Variants in SLCO1B1 observed in about 807,000 individuals in gnomAD.
SLCO1B1 encodes the protein OATP-2.
SLCO1B1 carries 81 observed loss-of-function variants against 70.1 expected under a neutral mutation model. The observed-to-expected ratio is 1.16, with a 90% CI of 0.97 to 1.39. SLCO1B1 has a LOEUF of 1.39. Ranked by LOEUF, SLCO1B1 falls within the 40% of genes most tolerant of loss-of-function variation. SLCO1B1 has a pLI of 0.00. For synonymous variants in SLCO1B1, 283 were observed against 271.5 expected, an observed-to-expected ratio of 1.04 and a Z score of -0.42; for missense variants, 895 against 799.6, an observed-to-expected ratio of 1.12 and a Z score of -1.44.
intron 11 of SLCO1B1, among the ~76,000 whole-genome samples, chr12:21,208,534 T>C (rs920068001): frequency 6.6e-6 from 1 of 152,120 alleles, no homozygotes; most frequent in Admixed American, 6.6e-5. Flanking sequence ...ACTGTGGCCT[T>C]GCAGTATAGT....
intron 1 of SLCO1B1, among the ~76,000 whole-genome samples, chr12:21,137,304 C>A (rs559078527): frequency 2.0e-5 from 3 of 152,158 alleles, no homozygotes; most frequent in Admixed American, 6.5e-5. Flanking sequence ...AGGCAGTCTG[C>A]CTGTTCTCAG....
intron 14 of SLCO1B1, among the ~76,000 whole-genome samples, chr12:21,232,028 T>G (rs886688207): frequency 3.3e-5 from 5 of 151,988 alleles, no homozygotes; most frequent in Non-Finnish European, 5.9e-5. Context: ...TGGTAAGCAG[T>G]TTTTACAAGA....
intron 9 of SLCO1B1, among the ~76,000 whole-genome samples, chr12:21,200,991 AATC>A (rs2121147105): frequency 6.6e-6 from 1 of 152,262 alleles, no homozygotes; most frequent in East Asian, 1.9e-4. Flanking sequence ...TTGTAATTAT[AATC>A]ATTATAATTC....
rs144397255 is a variant in SLCO1B1 at position 21,169,531 on chromosome 12, G to A, written c.85-3119G>A. On this transcript the variant is annotated intron_variant, in intron 2 of 14. Transcript: ENST00000256958. ...TCTTTCTAGTGAATTTTTCAGTTCA[G>A]TTACTTTATAATTCAACTCCAGAAT... Among the ~76,000 whole-genome samples, 47 of 152,152 alleles carry A rather than the reference G, an allele frequency of 3.1e-4. 1 individual carries two copies. The East Asian group carries it at 8.7e-3, about 28-fold the overall frequency.
chr12:21,146,395 T>C (rs1940383471), intron 2 of SLCO1B1, among the ~76,000 whole-genome samples: 1 of 152,242 alleles, frequency 6.6e-6, no homozygotes, highest in South Asian at 2.1e-4. Flanking sequence ...AATTAACTTG[T>C]GGTTTTGTCA....
chr12:21,171,436 A>G (rs1289755549), intron 2 of SLCO1B1, among the ~76,000 whole-genome samples: 1 of 152,194 alleles, frequency 6.6e-6, no homozygotes, highest in African/African-American at 2.4e-5. Flanking sequence ...GGTTATTGGA[A>G]AAACTTGATA....
In SLCO1B1 at chr12:21,217,172, C is replaced by T. The variant is rs772248161; in HGVS notation, c.1551C>T (p.Tyr517=). 6 of 1,613,618 alleles carry T rather than the reference C, an allele frequency of 3.7e-6. No individual in the cohort carries two copies. The East Asian group carries it at 1.3e-4, about 36-fold the overall frequency. Residue 517 remains tyrosine, a synonymous_variant, in exon 12 of 15, where the codon TAC becomes TAT. Transcript: ENST00000256958. ...TAACTGGTCTCCAGAACAGAAATTA[C>T]TCAGCCCATTTGGGTGAATGCCCAA... ...LEVTGLQNRN[Y]SAHLGECPRD... is the part of the protein sequence containing the mutation.
intron 11 of SLCO1B1, among the ~76,000 whole-genome samples, chr12:21,208,720 T>C (rs1046488742): frequency 6.6e-6 from 1 of 152,156 alleles, no homozygotes; most frequent in African/African-American, 2.4e-5. Flanking sequence ...TTGGGCAGTA[T>C]AGACAGTTTA....
chr12:21,158,524 T>A (rs972352321), intron 2 of SLCO1B1, among the ~76,000 whole-genome samples: 4 of 152,014 alleles, frequency 2.6e-5, no homozygotes, highest in African/African-American at 7.2e-5. Context: ...TGAAACCCCA[T>A]CTCTACTAAA....
Position 21,239,195 on chromosome 12 carries a change from G to T in SLCO1B1, c.*6G>T. On this transcript the variant is annotated 3_prime_UTR_variant, in exon 15 of 15. Transcript: ENST00000256958. ...ATAGTGAAACACATTGTTAAGGGGA[G>T]AAAAAAAGCCACTTCTGCTTCTGTG... 2 of 1,594,202 alleles carry T rather than the reference G, an allele frequency of 1.3e-6. No individual in the cohort carries two copies. The highest frequency in any genetic ancestry group is 1.1e-5 in the South Asian group (1 of 90,606).
At chr12:21,138,677 A>G (rs936174902) in intron 1 of SLCO1B1, among the ~76,000 whole-genome samples, 9 of 152,202 alleles carry the variant, frequency 5.9e-5, no homozygotes, top group Admixed American at 2.0e-4. Context: ...CTTCAGGTAT[A>G]TTCTCCACTG....
intron 7 of SLCO1B1, among the ~76,000 whole-genome samples, chr12:21,182,650 T>G (rs1017177844): frequency 4.6e-5 from 7 of 152,104 alleles, no homozygotes; most frequent in African/African-American, 7.2e-5. Flanking sequence ...GAGTACTTCC[T>G]CAGTATCCTT....
At position 21,205,989 on chromosome 12, in the gene SLCO1B1, T is replaced by C. The variant is rs1387745367; in HGVS notation, c.1453T>C (p.Cys485Arg). The C allele has an allele frequency of 1.1e-5, 18 of 1,612,176 alleles. No homozygotes were observed. Among genetic ancestry groups the C allele is most frequent in the African/African-American group, 5.3e-5 (4 of 74,850 alleles). The change falls in exon 11 of 15, where the codon TGT (cysteine) becomes CGT (arginine). Residue 485 changes from cysteine to arginine, a missense_variant. Cys to Arg is a radical substitution (Grantham distance 180). Coordinates refer to ENST00000256958, the MANE Select transcript of SLCO1B1 (RefSeq NM_006446.5). ...CAATGGAATAACTTACATCTCACCCTGTCTAGCAGGTTGCAAATCTTCAAG... is the reference window on the plus strand; with the variant it reads ...CAATGGAATAACTTACATCTCACCCCGTCTAGCAGGTTGCAAATCTTCAAG... ...GNNGITYISPCLAGCKSSSGN... is the reference protein window; with the variant it reads ...GNNGITYISPRLAGCKSSSGN...
At chr12:21,131,904 G>A (rs1266950831) in intron 1 of SLCO1B1, among the ~76,000 whole-genome samples, 1 of 151,978 alleles carries the variant, frequency 6.6e-6, no homozygotes, top group Non-Finnish European at 1.5e-5. Context: ...TGTTACATAT[G>A]TATACATGTG....
chr12:21,156,676 T>C (rs1159184473), intron 2 of SLCO1B1, among the ~76,000 whole-genome samples: 4 of 152,192 alleles, frequency 2.6e-5, no homozygotes, highest in African/African-American at 9.6e-5. Flanking sequence ...AACAAGAACC[T>C]TTAAAAAAGC....
At chr12:21,234,204 C>T (rs976443365) in intron 14 of SLCO1B1, among the ~76,000 whole-genome samples, 32 of 151,976 alleles carry the variant, frequency 2.1e-4, no homozygotes. Flanking sequence ...TGATACTGTC[C>T]TCTCGTGCTG....
intron 11 of SLCO1B1, among the ~76,000 whole-genome samples, chr12:21,214,044 T>G (rs1372787072): frequency 6.6e-6 from 1 of 152,176 alleles, no homozygotes; most frequent in Admixed American, 6.5e-5. Flanking sequence ...TTTGATCGTC[T>G]GAAGCCTTCT....
chr12:21,236,583 T>G (rs1941597999), intron 14 of SLCO1B1, among the ~76,000 whole-genome samples: 1 of 152,056 alleles, frequency 6.6e-6, no homozygotes, highest in Non-Finnish European at 1.5e-5. Flanking sequence ...TCCTAACAAT[T>G]TGGTGGTCAG....
intron 1 of SLCO1B1, among the ~76,000 whole-genome samples, chr12:21,136,486 G>C (rs1198936779): frequency 6.6e-6 from 1 of 151,408 alleles, no homozygotes; most frequent in Non-Finnish European, 1.5e-5. Flanking sequence ...CGTAGATTTG[G>C]TCTTTTCACA....
Sources: gnomAD v4.1 joint callset for allele counts (sites outside exome capture counted in the v4.1 genomes callset) on GRCh38, gnomAD v4.1.1 for gene constraint, MANE v1.5 for transcripts, NCBI Gene and HGNC (gene_info 2026-07-23, HGNC 2026-07-21) for gene names.